OR1J2: variants seen among roughly 807,000 people sequenced by gnomAD.
The protein encoded by OR1J2 is olfactory receptor family 1 subfamily J member 2.
For missense variants in OR1J2, 304 were observed against 246.1 expected (o/e 1.24, Z -1.57); for synonymous variants, 142 against 99.7 (o/e 1.42, Z -2.52).
At chr9:122,566,976 A>G in the OR1J2 span, 1 of 152,128 alleles carries the variant, frequency 6.6e-6, no homozygotes, top group Admixed American at 6.5e-5. Flanking sequence ...AAGTAAATAA[A>G]ACTACAGCAG....
chr9:122,519,023 C>T, the OR1J2 span: 3 of 695,188 alleles, frequency 4.3e-6, no homozygotes, highest in Non-Finnish European at 7.5e-6. Flanking sequence ...TGTAGACAGA[C>T]ATTGGCATAT....
chr9:122,452,981 T>G, the OR1J2 span, among the ~76,000 whole-genome samples: 1 of 139,146 alleles, frequency 7.2e-6, no homozygotes. Flanking sequence ...TGAGCCGAGA[T>G]CACGCCATTG....
the OR1J2 span, among the ~76,000 whole-genome samples, chr9:122,518,940 T>A: frequency 6.6e-6 from 1 of 152,200 alleles, no homozygotes; most frequent in East Asian, 1.9e-4. Context: ...AACCCTCTAC[T>A]CTCTTGGCGA....
At chr9:122,556,364 T>C in the OR1J2 span, among the ~76,000 whole-genome samples, 1 of 152,070 alleles carries the variant, frequency 6.6e-6, no homozygotes, top group South Asian at 2.1e-4. Flanking sequence ...TTGTCTTTCA[T>C]CCTTTGTCAA....
chr9:122,498,985 C>T, the OR1J2 span, among the ~76,000 whole-genome samples: 4 of 152,322 alleles, frequency 2.6e-5, no homozygotes, highest in East Asian at 5.8e-4. Flanking sequence ...ATAGATGGCA[C>T]TATAGGTAAC....
downstream of OR1J2, among the ~76,000 whole-genome samples, chr9:122,515,108 C>T (rs995935758): frequency 6.6e-6 from 1 of 152,166 alleles, no homozygotes; most frequent in Admixed American, 6.5e-5. Context: ...CCCTTGTGTC[C>T]TCTCCCTGGT....
chr9:122,548,951 G>C, the OR1J2 span, among the ~76,000 whole-genome samples: 2 of 151,952 alleles, frequency 1.3e-5, no homozygotes, highest in African/African-American at 4.8e-5. Context: ...TTCTTTTGCT[G>C]TGCAGAAGCT....
At chr9:122,533,033 G>A in the OR1J2 span, among the ~76,000 whole-genome samples, 1 of 152,136 alleles carries the variant, frequency 6.6e-6, no homozygotes, top group Non-Finnish European at 1.5e-5. Context: ...GTAATTTGCT[G>A]AGCCTAATGG....
chr9:122,562,095 T>C, the OR1J2 span, among the ~76,000 whole-genome samples: 142,135 of 152,270 alleles, frequency 0.93, 66,419 homozygotes, highest in East Asian at 0.98. Context: ...GTCAGGGTCT[T>C]GCCTGAAGAG....
chr9:122,578,596 C>T, the OR1J2 span, among the ~76,000 whole-genome samples: 1 of 151,994 alleles, frequency 6.6e-6, no homozygotes, highest in East Asian at 1.9e-4. Context: ...GTGATATATA[C>T]ATATACCATG....
the OR1J2 span, among the ~76,000 whole-genome samples, chr9:122,485,463 G>T: frequency 6.6e-6 from 1 of 152,070 alleles, no homozygotes; most frequent in Non-Finnish European, 1.5e-5. Context: ...AGATTATCTG[G>T]GTTAGTTTTG....
downstream of OR1J2, among the ~76,000 whole-genome samples, chr9:122,514,263 C>A (rs1347148709): frequency 6.6e-6 from 1 of 152,088 alleles, no homozygotes; most frequent in African/African-American, 2.4e-5. Context: ...GAGCGTAGTA[C>A]CCAATAGTTG....
chr9:122,530,138 G>A, the OR1J2 span, among the ~76,000 whole-genome samples: 3 of 152,196 alleles, frequency 2.0e-5, no homozygotes, highest in Non-Finnish European at 4.4e-5. Context: ...AAATCCATGA[G>A]ATGAATAAAG....
rs773220314 is a variant in OR1J2, at chr9:122,511,114, A to G, written c.313A>G (p.Ile105Val). 2.1e-6 allele frequency: 2 copies of G among 974,746 alleles called. No individual in the cohort carries two copies. 60.4% of individuals were successfully genotyped at this position (974,746 alleles called of 1,614,324 possible). A position where few individuals can be genotyped will look rare whatever the true frequency, so the allele number is the denominator to read the frequency against. The part of the protein sequence containing the change: ...EECISQMYFF[I>V]FFTDLDSFLI... ...ATGCATTTCTCAGATGTATTTTTTT[A>G]TATTTTTTACTGACCTGGACAGCTT... The change falls in exon 1 of 1, where the codon ATA becomes GTA. Residue 105 changes from isoleucine (I) to valine (V), a missense_variant. Coordinates refer to ENST00000335302, the MANE Select transcript of OR1J2 (RefSeq NM_054107.1).
chr9:122,521,537 T>G, the OR1J2 span, among the ~76,000 whole-genome samples: 1 of 152,244 alleles, frequency 6.6e-6, no homozygotes, highest in East Asian at 1.9e-4. Context: ...CAGTCCTTTG[T>G]AGAACAAGAA....
chr9:122,467,407 G>A, the OR1J2 span, among the ~76,000 whole-genome samples: 2 of 152,214 alleles, frequency 1.3e-5, no homozygotes, highest in East Asian at 1.9e-4. Flanking sequence ...CCAAGAGGGG[G>A]AAATAATTTT....
At chr9:122,507,960 A>G (rs73663921), upstream of OR1J2, among the ~76,000 whole-genome samples, 3,197 of 152,238 alleles carry the variant, frequency 0.021, 115 homozygotes, top group African/African-American at 0.071. Flanking sequence ...TCTTTCTGAG[A>G]TTCGCAAGAG....
At chr9:122,491,264 A>G in the OR1J2 span, among the ~76,000 whole-genome samples, 4 of 152,190 alleles carry the variant, frequency 2.6e-5, no homozygotes, top group African/African-American at 9.6e-5. Flanking sequence ...TGCATAGAGT[A>G]TGAGGTACCT....
At chr9:122,545,254 G>T in the OR1J2 span, among the ~76,000 whole-genome samples, 1 of 151,942 alleles carries the variant, frequency 6.6e-6, no homozygotes, top group Non-Finnish European at 1.5e-5. Flanking sequence ...TATGGTTTAT[G>T]TTGGTGAGTT....
Sources: gnomAD v4.1 joint callset for allele counts (sites outside exome capture counted in the v4.1 genomes callset) on GRCh38, gnomAD v4.1.1 for gene constraint, MANE v1.5 for transcripts, NCBI Gene and HGNC (gene_info 2026-07-23, HGNC 2026-07-21) for gene names.